CDH15: variants seen among roughly 807,000 people sequenced by gnomAD.
The protein encoded by CDH15 is cadherin-15.
Under a neutral mutation model 69.4 loss-of-function variants are expected in CDH15, and 73 were observed. That is an observed-to-expected ratio of 1.05 (90% CI 0.87 to 1.28). The LOEUF is 1.28. Ranked by LOEUF, CDH15 falls within the 50% of genes most tolerant of loss-of-function variation. The probability of loss-of-function intolerance (pLI) is 0.00; values close to 1 mark genes in which losing one functional copy is unlikely to be tolerated. For synonymous variants in CDH15, 624 were observed against 507.7 expected (o/e 1.23, Z -3.08); for missense variants, 1,343 against 1,133.6 (o/e 1.18, Z -2.65).
rs781368338 is a variant in CDH15, at chr16:89,179,380, A to AGACG, written c.43-34_43-31dup. Reference sequence around the variant, plus strand: ...GCACGCTGCCGCCCAGGGCTCCAGGAGACGGTACTGTGGGACGCATCTGTC... The same window carrying AGACG: ...GCACGCTGCCGCCCAGGGCTCCAGGAGACGGACGGTACTGTGGGACGCATCTGTC... On this transcript the variant is annotated intron_variant, in intron 1 of 13. Transcript: ENST00000289746. 6.6e-5 allele frequency: 107 copies of AGACG among 1,612,482 alleles called. No individual in the cohort carries two copies. In the African/African-American group the frequency reaches 1.4e-3, roughly 21 times the overall value.
chr16:89,179,087 T>C (rs1393912893), intron 1 of CDH15, among the ~76,000 whole-genome samples: 1 of 152,174 alleles, frequency 6.6e-6, no homozygotes, highest in Non-Finnish European at 1.5e-5. Context: ...CAGTGGCCCA[T>C]GCACTCGCCA....
rs552196868 is a variant in CDH15, at chr16:89,195,241, C to T, written c.*86C>T. Reference sequence around the variant, plus strand: ...GGCAGCCTGAGGTCACCGGGCCCGACCCCCCTGGGCCTGGGGCAGCCTCCT... The same window carrying T: ...GGCAGCCTGAGGTCACCGGGCCCGATCCCCCTGGGCCTGGGGCAGCCTCCT... On this transcript the variant is annotated 3_prime_UTR_variant, in exon 14 of 14. Transcript: ENST00000289746. 1.2e-5 allele frequency: 16 copies of T among 1,352,336 alleles called. No individual in the cohort carries two copies. Among genetic ancestry groups the T allele is most frequent in the Non-Finnish European group, 1.6e-5 (16 of 1,020,436 alleles). 83.8% of individuals were successfully genotyped at this position (1,352,336 alleles called of 1,614,324 possible). A position where few individuals can be genotyped will look rare whatever the true frequency, so the allele number is the denominator to read the frequency against.
At chr16:89,189,248 C>A (rs1915581099) in intron 7 of CDH15, among the ~76,000 whole-genome samples, 1 of 147,016 alleles carries the variant, frequency 6.8e-6, no homozygotes, top group South Asian at 2.2e-4. Flanking sequence ...CTGGCACACA[C>A]AGATGCCCAC....
intron 1 of CDH15, among the ~76,000 whole-genome samples, chr16:89,176,978 C>T (rs1915271204): frequency 6.6e-6 from 1 of 152,052 alleles, no homozygotes; most frequent in Non-Finnish European, 1.5e-5. Flanking sequence ...GGTCTCTGTC[C>T]CCTCCCAGCC....
intron 4 of CDH15, among the ~76,000 whole-genome samples, chr16:89,184,854 C>G (rs1460529659): frequency 6.6e-6 from 1 of 152,234 alleles, no homozygotes; most frequent in Non-Finnish European, 1.5e-5. Context: ...GGAGCCAGCA[C>G]CTGACCCAGG....
rs1045002194 is a variant in CDH15, at chr16:89,180,275, G to T, written c.277G>T (p.Gly93Cys). ...ACCCGGCGTGGATGAGGAGCCCCGG[G>T]GCGTCTTCTCTATCGACAAGTTCAC... Reference protein sequence around the residue: ...QGPGVDEEPRGVFSIDKFTGK... With the variant: ...QGPGVDEEPRCVFSIDKFTGK... Residue 93 changes from glycine (G) to cysteine (C), a missense_variant, in exon 3 of 14, where the codon GGC becomes TGC. Coordinates refer to ENST00000289746, the MANE Select transcript of CDH15 (RefSeq NM_004933.3). 6.2e-7 allele frequency: 1 copy of T among 1,610,608 alleles called. No homozygotes were observed. Among genetic ancestry groups the T allele is most frequent in the Non-Finnish European group, 8.5e-7 (1 of 1,178,684 alleles).
chr16:89,191,135 G>A (rs1368973689), intron 8 of CDH15, among the ~76,000 whole-genome samples, 195 bp from the exon 9 acceptor site: 2 of 122,102 alleles, frequency 1.6e-5, no homozygotes, highest in African/African-American at 2.6e-5. Flanking sequence ...GCCCATGTAT[G>A]TGTATGTGGT....
intron 1 of CDH15, among the ~76,000 whole-genome samples, chr16:89,175,584 G>A (rs190976634): frequency 7.7e-4 from 117 of 152,334 alleles, no homozygotes; most frequent in South Asian, 3.7e-3. Flanking sequence ...AGAGGGAGGT[G>A]CAAAGCTGCC....
intron 11 of CDH15, 138 bp from the exon 12 acceptor site, chr16:89,193,332 C>A: frequency 1.4e-6 from 1 of 692,176 alleles, no homozygotes; most frequent in South Asian, 1.9e-5. Context: ...CGCCCTTTCC[C>A]CAACTGCCGC....
chr16:89,174,920 C>T (rs1010599872), intron 1 of CDH15, among the ~76,000 whole-genome samples: 1 of 152,182 alleles, frequency 6.6e-6, no homozygotes, highest in African/African-American at 2.4e-5. Context: ...TCCCGATCTC[C>T]CCAGGACGGC....
chr16:89,194,273 G>A (rs1254106603), intron 13 of CDH15, among the ~76,000 whole-genome samples: 1 of 152,166 alleles, frequency 6.6e-6, no homozygotes, highest in African/African-American at 2.4e-5. Flanking sequence ...AGACCCTCTG[G>A]ACACAGCGTT....
intron 1 of CDH15, among the ~76,000 whole-genome samples, chr16:89,176,563 G>A (rs1915260219): frequency 6.6e-6 from 1 of 152,218 alleles, no homozygotes; most frequent in Non-Finnish European, 1.5e-5. Context: ...AATGTGGGGA[G>A]CTGTTCTAGG....
At chr16:89,185,737 T>C in intron 5 of CDH15, 2 of 317,722 alleles carry the variant, frequency 6.3e-6, no homozygotes, top group East Asian at 1.7e-4. Context: ...GAAGCCCTCC[T>C]GGTTACACTG....
intron 4 of CDH15, 77 bp from the exon 5 acceptor site, chr16:89,185,096 G>GC: frequency 7.1e-7 from 1 of 1,404,070 alleles, no homozygotes; most frequent in Non-Finnish European, 9.8e-7. Context: ...CACACGAGGT[G>GC]CCCCCACGCC....
chr16:89,176,959 G>A (rs1039988628), intron 1 of CDH15, among the ~76,000 whole-genome samples: 12 of 152,230 alleles, frequency 7.9e-5, no homozygotes, highest in African/African-American at 2.2e-4. Flanking sequence ...AGCATGGCCC[G>A]GGGTAGGGGG....
chr16:89,179,673 C>T (rs993582492), intron 2 of CDH15, 99 bp downstream of exon 2: 4 of 1,232,522 alleles, frequency 3.2e-6, no homozygotes, highest in South Asian at 1.5e-5. Flanking sequence ...AGCGGGGCCC[C>T]ATTTCAGGAC....
intron 7 of CDH15, among the ~76,000 whole-genome samples, chr16:89,189,324 T>G (rs1915585250): frequency 7.7e-6 from 1 of 129,844 alleles, no homozygotes; most frequent in Non-Finnish European, 1.6e-5. Context: ...CACACACACA[T>G]GCCGGCACAC....
At chr16:89,193,194 C>T (rs10438586) in intron 11 of CDH15, among the ~76,000 whole-genome samples, 7 of 121,630 alleles carry the variant, frequency 5.8e-5, no homozygotes, top group African/African-American at 2.3e-4. Context: ...CCCGCCCCCT[C>T]GTTGCCAGCC....
chr16:89,180,863 A>ATG, intron 3 of CDH15, among the ~76,000 whole-genome samples: 1 of 152,002 alleles, frequency 6.6e-6, no homozygotes, highest in East Asian at 1.9e-4. Flanking sequence ...AGCTGGGACT[A>ATG]CAGGCCCCTG....
Sources: gnomAD v4.1 joint callset for allele counts (sites outside exome capture counted in the v4.1 genomes callset) on GRCh38, gnomAD v4.1.1 for gene constraint, MANE v1.5 for transcripts, NCBI Gene and HGNC (gene_info 2026-07-23, HGNC 2026-07-21) for gene names.